MAP4K5: variants seen among roughly 807,000 people sequenced by gnomAD.
The protein encoded by MAP4K5 is mitogen-activated protein kinase kinase kinase kinase 5, also known as MAPK/ERK kinase kinase kinase 5.
Under a neutral mutation model 135.6 loss-of-function variants are expected in MAP4K5, and 82 were observed. The observed-to-expected ratio is 0.60, with a 90% CI of 0.51 to 0.73. The LOEUF (loss-of-function observed/expected upper bound fraction) is 0.73. MAP4K5 is among the 30% of genes least tolerant of loss of function. MAP4K5 has a pLI of 0.00. For synonymous variants in MAP4K5, 347 were observed against 335.0 expected, an observed-to-expected ratio of 1.04 and a Z score of -0.39; for missense variants, 907 against 1,010.9, an observed-to-expected ratio of 0.90 and a Z score of 1.39.
chr14:50,429,234 C>T lies in MAP4K5; in HGVS notation c.2191G>A (p.Val731Ile), dbSNP rs1169069287. ...ACGGTATCTCTCTCCAACTGTGTTACATGAATGGAATCTAACTGCTGGCTG... is the reference window on the plus strand; with the variant it reads ...ACGGTATCTCTCTCCAACTGTGTTATATGAATGGAATCTAACTGCTGGCTG... ...AGSQQLDSIH[V>I]TQLERDTVLV... The change falls in exon 29 of 33, where the codon GTA becomes ATA. Residue 731 changes from valine to isoleucine, a missense_variant. Transcript: ENST00000682126. 1 of 1,564,238 alleles carries T rather than the reference C, an allele frequency of 6.4e-7. No homozygotes were observed. The highest frequency in any genetic ancestry group is 2.4e-5 in the East Asian group (1 of 42,414).
intron 14 of MAP4K5, among the ~76,000 whole-genome samples, chr14:50,452,636 A>T (rs1445738188): frequency 6.6e-6 from 1 of 152,202 alleles, no homozygotes; most frequent in Non-Finnish European, 1.5e-5. Flanking sequence ...ACTGCCCTCT[A>T]AACTCAATAA....
chr14:50,446,137 A>G lies in MAP4K5; in HGVS notation c.1143-16T>C, dbSNP rs2036342521. On this transcript the variant is annotated splice_polypyrimidine_tract_variant and intron_variant, in intron 16 of 32. Coordinates refer to ENST00000682126, the MANE Select transcript of MAP4K5 (RefSeq NM_006575.6). ...TGAGGTTGATCTAATACAAAGAAGA[A>G]ATGCAATTTAGATGATGATAAATGA... The G allele has an allele frequency of 1.9e-6, 3 of 1,541,488 alleles. No homozygotes were observed. The highest frequency in any genetic ancestry group is 1.2e-5 in the South Asian group (1 of 81,802).
chr14:50,473,241 T>C (rs1417081431), intron 9 of MAP4K5, among the ~76,000 whole-genome samples: 1 of 152,194 alleles, frequency 6.6e-6, no homozygotes, highest in Admixed American at 6.5e-5. Context: ...TTGGGGCTTT[T>C]CTTACTGGTC....
intron 2 of MAP4K5, among the ~76,000 whole-genome samples, chr14:50,541,257 A>G (rs953881767): frequency 6.6e-6 from 1 of 152,172 alleles, no homozygotes; most frequent in African/African-American, 2.4e-5. Context: ...TTTCCTTGAT[A>G]TCCAGTAGAA....
chr14:50,521,286 T>A (rs1048608323), intron 2 of MAP4K5, among the ~76,000 whole-genome samples: 12 of 152,180 alleles, frequency 7.9e-5, no homozygotes, highest in Non-Finnish European at 1.8e-4. Context: ...CATTTCTCAG[T>A]AGAGGGGTAA....
intron 2 of MAP4K5, among the ~76,000 whole-genome samples, chr14:50,531,561 G>T (rs182580449): frequency 1.3e-5 from 2 of 152,224 alleles, no homozygotes; most frequent in Admixed American, 6.5e-5. Context: ...AAATGCAAAT[G>T]TCTGAATGTC....
intron 2 of MAP4K5, among the ~76,000 whole-genome samples, chr14:50,516,006 G>T (rs376510508): frequency 1.3e-5 from 2 of 152,028 alleles, no homozygotes; most frequent in Admixed American, 6.6e-5. Flanking sequence ...CAAATTTACC[G>T]TATCCACCAC....
intron 3 of MAP4K5, among the ~76,000 whole-genome samples, chr14:50,499,559 G>A (rs2037663832): frequency 6.6e-6 from 1 of 151,972 alleles, no homozygotes; most frequent in Admixed American, 6.6e-5. Context: ...TCAGGAGGCT[G>A]AGGCACGAGA....
chr14:50,473,482 C>T (rs1043975845), intron 9 of MAP4K5, among the ~76,000 whole-genome samples: 63 of 152,116 alleles, frequency 4.1e-4, no homozygotes, highest in African/African-American at 1.4e-3. Context: ...TTCTTTTTAA[C>T]GACATAAGAA....
chr14:50,473,681 A>G (rs1044397833), intron 9 of MAP4K5, among the ~76,000 whole-genome samples: 4 of 151,350 alleles, frequency 2.6e-5, no homozygotes, highest in Non-Finnish European at 4.4e-5. Context: ...CTCAGCTCTT[A>G]AAGCAGATAG....
intron 2 of MAP4K5, among the ~76,000 whole-genome samples, chr14:50,510,201 A>G (rs188202841): frequency 2.0e-5 from 3 of 152,338 alleles, no homozygotes; most frequent in Non-Finnish European, 4.4e-5. Context: ...ACAAGAGTCA[A>G]CAACATGAAA....
Position 50,444,013 on chromosome 14 carries a change from G to A in MAP4K5, c.1363C>T (p.Leu455=). ...SIGNGDGISK[L]MSENTEGSAQ... ...GATCCTTCTGTATTTTCACTCATCA[G>A]TTTTGAAATACCATCACCATTTCCT... is the stretch of plus-strand genomic sequence containing the variant. Residue 455 remains leucine (L), a synonymous_variant, in exon 19 of 33, where the codon CTG becomes TTG. Coordinates refer to ENST00000682126, the MANE Select transcript of MAP4K5 (RefSeq NM_006575.6). 1 of 1,604,886 alleles carries A rather than the reference G, an allele frequency of 6.2e-7. No homozygotes were observed. Among genetic ancestry groups the A allele is most frequent in the Non-Finnish European group, 8.5e-7 (1 of 1,174,854 alleles).
chr14:50,429,165 CAAAAT>C, intron 29 of MAP4K5, 22 bp downstream of exon 29: 6 of 1,355,910 alleles, frequency 4.4e-6, no homozygotes, highest in South Asian at 1.4e-5. Flanking sequence ...GTAGTATACT[CAAAAT>C]AAAATTAAAA....
chr14:50,434,440 T>G lies in MAP4K5; in HGVS notation c.2118A>C (p.Thr706=). 6.2e-7 allele frequency: 1 copy of G among 1,610,016 alleles called. No homozygotes were observed. Among genetic ancestry groups the G allele is most frequent in the Non-Finnish European group, 8.5e-7 (1 of 1,178,088 alleles). ...TESNQVVQFE[T]INLNSASSWF... ...ATGAAGATGCAGAGTTCAAATTGAT[T>G]GTCTCAAACTGAACTACCTGATTCG... The change falls in exon 28 of 33, where the codon ACA becomes ACC. Residue 706 remains threonine, a synonymous_variant. Transcript: ENST00000682126.
At chr14:50,431,466 T>C (rs1015067361) in intron 28 of MAP4K5, among the ~76,000 whole-genome samples, 7 of 152,056 alleles carry the variant, frequency 4.6e-5, no homozygotes, top group African/African-American at 1.4e-4. Flanking sequence ...TGTGTTCTCA[T>C]TGTTCAATTC....
chr14:50,495,930 T>C lies in MAP4K5; in HGVS notation c.166+8870A>G, dbSNP rs571468837. Among the ~76,000 whole-genome samples, 4 of 152,342 alleles carry C rather than the reference T, an allele frequency of 2.6e-5. No homozygotes were observed. The South Asian group carries it at 8.3e-4, about 32-fold the overall frequency. ...GGGAGGCAGCAAAGAGTTGTTGTTG[T>C]TTAATGAATATAGAGTTTTAGTTTT... On this transcript the variant is annotated intron_variant, in intron 3 of 32. Coordinates refer to ENST00000682126, the MANE Select transcript of MAP4K5 (RefSeq NM_006575.6).
At chr14:50,515,054 C>T (rs2038006713) in intron 2 of MAP4K5, among the ~76,000 whole-genome samples, 1 of 152,148 alleles carries the variant, frequency 6.6e-6, no homozygotes, top group Admixed American at 6.5e-5. Context: ...CAGGCACTCG[C>T]CGCCACGCTA....
At chr14:50,469,728 G>T (rs552052513) in intron 9 of MAP4K5, among the ~76,000 whole-genome samples, 1 of 152,198 alleles carries the variant, frequency 6.6e-6, no homozygotes, top group African/African-American at 2.4e-5. Context: ...ACAAAAGACT[G>T]AAGTTGGAGT....
intron 2 of MAP4K5, among the ~76,000 whole-genome samples, chr14:50,539,796 A>C (rs2140143915): frequency 6.6e-6 from 1 of 152,356 alleles, no homozygotes; most frequent in East Asian, 1.9e-4. Flanking sequence ...AGCATCTGGA[A>C]GTCCTTCTAA....
Sources: allele counts gnomAD v4.1 joint callset (sites outside exome capture counted in the v4.1 genomes callset), GRCh38; gene constraint gnomAD v4.1.1; transcripts MANE v1.5; gene names NCBI Gene and HGNC (gene_info 2026-07-23, HGNC 2026-07-21).